Variants in TRPC4AP observed in about 807,000 individuals in gnomAD.
TRPC4AP encodes the protein transient receptor potential cation channel subfamily C member 4 associated protein.
TRPC4AP carries 45 observed loss-of-function variants against 99.0 expected under a neutral mutation model. That is an observed-to-expected ratio of 0.45 (90% CI 0.36 to 0.58). The LOEUF (loss-of-function observed/expected upper bound fraction) is 0.58, where lower values mean the gene tolerates loss of function less well. Ranked by LOEUF, TRPC4AP falls within the 20% of genes least tolerant of loss-of-function variation. TRPC4AP has a pLI of 0.00. For missense variants in TRPC4AP, 879 were observed against 985.3 expected, an observed-to-expected ratio of 0.89 and a Z score of 1.44; for synonymous variants, 408 against 385.8, an observed-to-expected ratio of 1.06 and a Z score of -0.67.
At chr20:35,049,584 A>G (rs1167359241) in intron 6 of TRPC4AP, among the ~76,000 whole-genome samples, 1 of 152,206 alleles carries the variant, frequency 6.6e-6, no homozygotes, top group African/African-American at 2.4e-5. Context: ...GGGCAATTTG[A>G]TTTCAGCAAA....
intron 10 of TRPC4AP, among the ~76,000 whole-genome samples, chr20:35,013,541 G>A (rs1431915528): frequency 6.6e-6 from 1 of 152,172 alleles, no homozygotes; most frequent in East Asian, 1.9e-4. Flanking sequence ...TCGCACCACT[G>A]ACTGCACTCC....
At chr20:35,058,648 G>C (rs2083899379) in intron 3 of TRPC4AP, among the ~76,000 whole-genome samples, 1 of 149,750 alleles carries the variant, frequency 6.7e-6, no homozygotes, top group Non-Finnish European at 1.5e-5. Context: ...TGCTCAGAGG[G>C]AAATTTATAG....
intron 15 of TRPC4AP, 71 bp from the exon 16 acceptor site, chr20:35,005,874 T>G (rs1310225742): frequency 7.3e-7 from 1 of 1,372,176 alleles, no homozygotes; most frequent in Non-Finnish European, 1.0e-6. Context: ...GGGGGGATAG[T>G]CACTACAAGG....
intron 14 of TRPC4AP, 26 bp from the exon 15 acceptor site, chr20:35,006,601 G>T: frequency 6.2e-7 from 1 of 1,607,502 alleles, no homozygotes; most frequent in East Asian, 2.2e-5. Flanking sequence ...CAGGGTGAAG[G>T]TGTCAACGTG....
At chr20:35,013,256 C>A (rs1167380876) in intron 10 of TRPC4AP, among the ~76,000 whole-genome samples, 190 bp from the exon 11 acceptor site, 3 of 152,072 alleles carry the variant, frequency 2.0e-5, no homozygotes, top group African/African-American at 7.2e-5. Flanking sequence ...TAATGTGGCC[C>A]CCTTCCTGCT....
Position 35,080,215 on chromosome 20 carries a change from C to A in TRPC4AP, c.169-2041G>T, listed in dbSNP as rs187031865. Among the ~76,000 whole-genome samples, 804 of 151,722 alleles carry A rather than the reference C, an allele frequency of 5.3e-3. 5 individuals are homozygous for A. The highest frequency in any genetic ancestry group is 9.1e-3 in the Non-Finnish European group (616 of 67,890). On this transcript the variant is annotated intron_variant, in intron 1 of 18. Coordinates refer to ENST00000252015, the MANE Select transcript of TRPC4AP (RefSeq NM_015638.3). The stretch of plus-strand genomic sequence containing the variant: ...TCAAAGAAGCCAGTGTCTAACTGGG[C>A]ACAGTGTCTCATGCCTCTGATGCCA...
intron 1 of TRPC4AP, among the ~76,000 whole-genome samples, chr20:35,086,654 TG>T (rs1286235055): frequency 6.6e-6 from 1 of 151,756 alleles, no homozygotes; most frequent in East Asian, 1.9e-4. Context: ...AGGTAAGATT[TG>T]TTTGACTTAA....
At chr20:35,082,139 A>C (rs1370746508) in intron 1 of TRPC4AP, among the ~76,000 whole-genome samples, 1 of 152,228 alleles carries the variant, frequency 6.6e-6, no homozygotes, top group African/African-American at 2.4e-5. Context: ...AAAAACTGAC[A>C]AGGCTAAAAG....
chr20:35,060,778 A>G (rs1185559893), intron 3 of TRPC4AP, among the ~76,000 whole-genome samples: 3 of 150,940 alleles, frequency 2.0e-5, no homozygotes, highest in African/African-American at 4.9e-5. Flanking sequence ...AAGCGTTTGG[A>G]AAAAAAAACC....
chr20:35,069,520 A>G (rs1377846466), intron 2 of TRPC4AP, 108 bp from the exon 3 acceptor site: 1 of 712,198 alleles, frequency 1.4e-6, no homozygotes, highest in Non-Finnish European at 2.5e-6. Context: ...CATGAACACA[A>G]AGACAGTCCC....
chr20:35,087,300 T>C (rs189592640), intron 1 of TRPC4AP, among the ~76,000 whole-genome samples: 13 of 148,060 alleles, frequency 8.8e-5, no homozygotes, highest in East Asian at 5.9e-4. Flanking sequence ...GATTGCACCA[T>C]TGCCCTCCAG....
chr20:35,005,951 G>A (rs1418033339), intron 15 of TRPC4AP, 148 bp from the exon 16 acceptor site: 3 of 663,978 alleles, frequency 4.5e-6, no homozygotes, highest in Admixed American at 2.7e-5. Flanking sequence ...TAAGCTGAGG[G>A]ACCTCCCCTC....
intron 3 of TRPC4AP, among the ~76,000 whole-genome samples, chr20:35,060,585 C>CAAA (rs35143678): frequency 2.4e-4 from 17 of 70,382 alleles, no homozygotes; most frequent in Admixed American, 4.3e-4. Context: ...ACCTTGTCTC[C>CAAA]AAAAAAAAAA....
intron 3 of TRPC4AP, among the ~76,000 whole-genome samples, chr20:35,068,726 T>C (rs988682021): frequency 3.3e-5 from 5 of 152,022 alleles, no homozygotes; most frequent in African/African-American, 7.3e-5. Context: ...TTCACCATCT[T>C]GGACAGGTTG....
Position 35,010,279 on chromosome 20 carries a change from G to A in TRPC4AP, c.1419C>T (p.Tyr473=), listed in dbSNP as rs2082604599. The change falls in exon 12 of 19, where the codon TAC becomes TAT. Residue 473 remains tyrosine (Y), a synonymous_variant. Transcript: ENST00000252015. ...QSFSDHHENK[Y]LLLNNQELNE... ...TCAGCTCCTGGTTGTTGAGTAACAA[G>A]TACTTGTTCCTGAAACAAAATGGGT... The A allele has an allele frequency of 6.2e-7, 1 of 1,614,148 alleles. No individual in the cohort carries two copies. The highest frequency in any genetic ancestry group is 2.2e-5 in the East Asian group (1 of 44,872).
At chr20:35,024,566 G>A (rs1388646572) in intron 8 of TRPC4AP, among the ~76,000 whole-genome samples, 1 of 152,106 alleles carries the variant, frequency 6.6e-6, no homozygotes, top group Admixed American at 6.6e-5. Context: ...GCTCAGGCCT[G>A]TAATTCCGGC....
chr20:35,044,718 G>A lies in TRPC4AP; in HGVS notation c.658-6C>T. ...TCATCTAGTCGGATCATTTCCTACA[G>A]AAGACAAAAATGAAACAATCCCCAT... On this transcript the variant is annotated splice_region_variant and splice_polypyrimidine_tract_variant and intron_variant, in intron 6 of 18. Transcript: ENST00000252015. 2.5e-6 allele frequency: 4 copies of A among 1,613,228 alleles called. No individual in the cohort carries two copies. The highest frequency in any genetic ancestry group is 3.4e-6 in the Non-Finnish European group (4 of 1,179,352).
In TRPC4AP at chr20:35,007,592, G is replaced by T; in HGVS notation, c.1644C>A (p.Ser548=). ...TCAGCAGGAACATCTGGTCTGCATA[G>T]GAGGTGGTCCCTCGGAGGAAACTCT... The part of the protein sequence containing the change: ...AVESFLRGTT[S]YADQMFLLKR... The change falls in exon 14 of 19, where the codon TCC becomes TCA. Residue 548 remains serine, a synonymous_variant. Coordinates refer to ENST00000252015, the MANE Select transcript of TRPC4AP (RefSeq NM_015638.3). 6.2e-7 allele frequency: 1 copy of T among 1,614,220 alleles called. No homozygotes were observed. The highest frequency in any genetic ancestry group is 1.7e-5 in the Admixed American group (1 of 60,024).
intron 4 of TRPC4AP, among the ~76,000 whole-genome samples, chr20:35,056,346 C>T (rs1038762770): frequency 6.6e-6 from 1 of 152,180 alleles, no homozygotes; most frequent in Non-Finnish European, 1.5e-5. Flanking sequence ...GAAAAAAAGT[C>T]TCAGCCTTCA....
Sources: gnomAD v4.1 joint callset for allele counts (sites outside exome capture counted in the v4.1 genomes callset) on GRCh38, gnomAD v4.1.1 for gene constraint, MANE v1.5 for transcripts, NCBI Gene and HGNC (gene_info 2026-07-23, HGNC 2026-07-21) for gene names.